The following RHEB variants were observed in gnomAD, a reference collection of about 807,000 sequenced individuals.
RHEB encodes the protein GTP-binding protein Rheb.
In RHEB, 2 loss-of-function variants were observed where a neutral mutation model predicts 28.8. The ratio of observed to expected loss-of-function variants is 0.07; its 90% confidence interval spans 0.03 to 0.22. The LOEUF is 0.22. Among genes scored for constraint, RHEB ranks in the 10% least tolerant of loss-of-function variants. The pLI is 1.00. For missense variants in RHEB, 76 were observed against 219.9 expected (o/e 0.35, Z 4.14); for synonymous variants, 69 against 77.3 (o/e 0.89, Z 0.56).
At position 151,470,560 on chromosome 7, in the gene RHEB, GA is replaced by G; in HGVS notation, c.462+10del. On this transcript the variant is annotated intron_variant, in intron 7 of 7. Transcript: ENST00000262187. Reference sequence around the variant, plus strand: ...AACGCAATGCAAAATGAGGTTTATAGAATCTGTTACCTGATTTTCTTTAGCA... The same window carrying G: ...AACGCAATGCAAAATGAGGTTTATAGATCTGTTACCTGATTTTCTTTAGCA... 1 of 1,590,364 alleles carries G rather than the reference GA, an allele frequency of 6.3e-7. No individual in the cohort carries two copies. The highest frequency in any genetic ancestry group is 8.6e-7 in the Non-Finnish European group (1 of 1,159,092).
intron 3 of RHEB, among the ~76,000 whole-genome samples, chr7:151,481,083 C>A (rs1404430633): frequency 6.6e-6 from 1 of 151,836 alleles, no homozygotes; most frequent in African/African-American, 2.4e-5. Flanking sequence ...GCTTAACGTT[C>A]CAATAATGTA....
intron 1 of RHEB, among the ~76,000 whole-genome samples, chr7:151,507,954 T>C (rs540583081): frequency 6.6e-6 from 1 of 152,158 alleles, no homozygotes; most frequent in African/African-American, 2.4e-5. Context: ...GCCATAAAAC[T>C]GTTTCCCTGG....
At chr7:151,480,487 G>A (rs560299101) in intron 3 of RHEB, among the ~76,000 whole-genome samples, 1 of 150,596 alleles carries the variant, frequency 6.6e-6, no homozygotes, top group African/African-American at 2.5e-5. Context: ...GGTAAATGTG[G>A]TTGCTGGTGG....
intron 2 of RHEB, among the ~76,000 whole-genome samples, chr7:151,488,577 G>A (rs1802524689): frequency 1.3e-5 from 2 of 152,180 alleles, no homozygotes; most frequent in Admixed American, 6.5e-5. Flanking sequence ...TGGGCGAAGG[G>A]CTCCTGCCCT....
intron 6 of RHEB, 89 bp downstream of exon 6, chr7:151,471,305 C>T (rs1402509761): frequency 7.6e-6 from 7 of 919,044 alleles, no homozygotes; most frequent in Non-Finnish European, 1.2e-5. Flanking sequence ...AATGCTACAG[C>T]TAAAAATATT....
chr7:151,510,485 T>C (rs1168321409), intron 1 of RHEB, among the ~76,000 whole-genome samples: 1 of 152,194 alleles, frequency 6.6e-6, no homozygotes, highest in Non-Finnish European at 1.5e-5. Flanking sequence ...TGCATTAAGA[T>C]TGTACCCCAT....
intron 1 of RHEB, among the ~76,000 whole-genome samples, chr7:151,514,230 T>C (rs371157228): frequency 6.6e-6 from 1 of 152,172 alleles, no homozygotes; most frequent in African/African-American, 2.4e-5. Context: ...TAACCACAAA[T>C]AGATCACAGA....
chr7:151,517,370 G>GAAA (rs761761069), intron 1 of RHEB, among the ~76,000 whole-genome samples: 8 of 61,656 alleles, frequency 1.3e-4, no homozygotes, highest in African/African-American at 2.1e-4. Context: ...CTCCGTCTCG[G>GAAA]AAAAAAAAAA....
rs762649586 is a variant in RHEB, at chr7:151,471,623, T to A, written c.276-18A>T. The stretch of plus-strand genomic sequence containing the variant: ...CTTCAAAACTATAAAACAAAAAGTA[T>A]AAATTAGACATCCATTTTAATGTTG... On this transcript the variant is annotated intron_variant, in intron 4 of 7. Coordinates refer to ENST00000262187, the MANE Select transcript of RHEB (RefSeq NM_005614.4). 2 of 1,487,374 alleles carry A rather than the reference T, an allele frequency of 1.3e-6. No individual in the cohort carries two copies. The highest frequency in any genetic ancestry group is 1.2e-5 in the South Asian group (1 of 82,570). The allele number at this position is 1,487,374 out of a possible 1,614,324, so 92.1% of individuals were successfully genotyped here.
rs148645082 is a variant in RHEB at position 151,476,999 on chromosome 7, T to C, written c.275+334A>G. On this transcript the variant is annotated intron_variant, in intron 4 of 7. Transcript: ENST00000262187. ...CAAACCCCCACATTTTATTAGAAAG[T>C]CTATTTCACCTTAATATGGTAAAAA... Among the ~76,000 whole-genome samples the C allele has an allele frequency of 8.9e-4, 136 of 152,364 alleles. No individual in the cohort carries two copies. The East Asian group carries it at 0.024, about 27-fold the overall frequency.
intron 3 of RHEB, among the ~76,000 whole-genome samples, chr7:151,478,769 G>A (rs760212984): frequency 2.0e-5 from 3 of 152,262 alleles, no homozygotes; most frequent in South Asian, 2.1e-4. Flanking sequence ...CTGAGTAGCT[G>A]GGACTACAGG....
intron 1 of RHEB, among the ~76,000 whole-genome samples, chr7:151,507,847 C>G (rs749067512): frequency 6.6e-6 from 1 of 151,880 alleles, no homozygotes; most frequent in Non-Finnish European, 1.5e-5. Flanking sequence ...ATAAGAAATA[C>G]GTTTAATTAT....
intron 3 of RHEB, 22 bp from the exon 4 acceptor site, chr7:151,477,437 T>C (rs1273288453): frequency 1.4e-6 from 2 of 1,391,428 alleles, no homozygotes; most frequent in African/African-American, 2.9e-5. Context: ...AAAAATTATC[T>C]TTGAGTAGTC....
chr7:151,498,637 C>A (rs1053932696), intron 1 of RHEB, among the ~76,000 whole-genome samples: 7 of 151,862 alleles, frequency 4.6e-5, no homozygotes, highest in African/African-American at 1.5e-4. Context: ...TGGGCAGAGG[C>A]AAGAGGCAAG....
At chr7:151,470,407 A>G in intron 7 of RHEB, 164 bp downstream of exon 7, 1 of 524,592 alleles carries the variant, frequency 1.9e-6, no homozygotes. Context: ...ATAAACACCT[A>G]AGTAGTATCT....
chr7:151,467,268 A>T, intron 7 of RHEB, 57 bp from the exon 8 acceptor site: 1 of 1,298,424 alleles, frequency 7.7e-7, no homozygotes, highest in Non-Finnish European at 1.1e-6. Context: ...CTCCGAGAGT[A>T]TTTTACGGAC....
At chr7:151,496,941 G>A (rs958727007) in intron 1 of RHEB, among the ~76,000 whole-genome samples, 7 of 147,898 alleles carry the variant, frequency 4.7e-5, no homozygotes, top group African/African-American at 7.8e-5. Flanking sequence ...CACCACACTC[G>A]GCTATTTTTT....
chr7:151,509,283 C>G (rs959161199), intron 1 of RHEB, among the ~76,000 whole-genome samples: 2 of 152,226 alleles, frequency 1.3e-5, no homozygotes, highest in African/African-American at 4.8e-5. Flanking sequence ...TACTTGTAGG[C>G]ACAGCCACCT....
chr7:151,475,876 C>T (rs1802262653), intron 4 of RHEB, among the ~76,000 whole-genome samples: 2 of 152,016 alleles, frequency 1.3e-5, no homozygotes, highest in Admixed American at 6.6e-5. Context: ...AACCATAAAA[C>T]AGCATTCAGA....
Sources: allele counts gnomAD v4.1 joint callset (sites outside exome capture counted in the v4.1 genomes callset), GRCh38; gene constraint gnomAD v4.1.1; transcripts MANE v1.5; gene names NCBI Gene and HGNC (gene_info 2026-07-23, HGNC 2026-07-21).